KIF16B: variants seen among roughly 807,000 people sequenced by gnomAD.
The protein encoded by KIF16B is kinesin-like protein KIF16B.
Under a neutral mutation model 156.3 loss-of-function variants are expected in KIF16B, and 98 were observed. That is an observed-to-expected ratio of 0.63 (90% CI 0.53 to 0.74). KIF16B has a LOEUF of 0.74. Among genes scored for constraint, KIF16B ranks in the 30% least tolerant of loss-of-function variants. The pLI, the probability that KIF16B is intolerant of heterozygous loss-of-function variation, is 0.00. For missense variants in KIF16B, 1,421 were observed against 1,606.5 expected, an observed-to-expected ratio of 0.88 and a Z score of 1.97; for synonymous variants, 564 against 583.7, an observed-to-expected ratio of 0.97 and a Z score of 0.49.
intron 12 of KIF16B, among the ~76,000 whole-genome samples, chr20:16,457,305 A>G (rs1213651534): frequency 6.6e-6 from 1 of 152,178 alleles, no homozygotes; most frequent in East Asian, 1.9e-4. Flanking sequence ...CCAAATGACA[A>G]ATTATACATA....
chr20:16,434,586 C>T (rs889551016), intron 12 of KIF16B, among the ~76,000 whole-genome samples: 6 of 152,164 alleles, frequency 3.9e-5, no homozygotes, highest in African/African-American at 1.4e-4. Flanking sequence ...AGTGTGTCTG[C>T]CCCACGTAAA....
At chr20:16,492,632 T>C (rs1289821568) in intron 12 of KIF16B, among the ~76,000 whole-genome samples, 1 of 152,096 alleles carries the variant, frequency 6.6e-6, no homozygotes, top group African/African-American at 2.4e-5. Context: ...GTTCAGGCTG[T>C]CATAGTTCTC....
At chr20:16,340,937 C>A (rs114683728) in intron 23 of KIF16B, among the ~76,000 whole-genome samples, 1 of 152,114 alleles carries the variant, frequency 6.6e-6, no homozygotes, top group Non-Finnish European at 1.5e-5. Context: ...GATGACAAGA[C>A]AGCAAGAAGA....
intron 1 of KIF16B, among the ~76,000 whole-genome samples, chr20:16,543,743 G>A (rs2070293898): frequency 6.6e-6 from 1 of 152,212 alleles, no homozygotes; most frequent in Admixed American, 6.5e-5. Flanking sequence ...TGAGAGTCAA[G>A]CTGAGGCTCA....
chr20:16,497,410 C>T (rs1342042693), intron 11 of KIF16B, among the ~76,000 whole-genome samples: 1 of 152,178 alleles, frequency 6.6e-6, no homozygotes, highest in Non-Finnish European at 1.5e-5. Context: ...CCAGACAAAT[C>T]CCGTTTATTA....
intron 15 of KIF16B, among the ~76,000 whole-genome samples, chr20:16,410,818 T>C (rs990149750): frequency 6.6e-6 from 1 of 152,154 alleles, no homozygotes; most frequent in Non-Finnish European, 1.5e-5. Context: ...TGCAAGCTTT[T>C]GCTTATCACA....
chr20:16,482,646 A>G (rs1370216791), intron 12 of KIF16B, among the ~76,000 whole-genome samples: 2 of 152,204 alleles, frequency 1.3e-5, no homozygotes, highest in Admixed American at 1.3e-4. Flanking sequence ...TGGAATGTTC[A>G]CACCACAGTA....
chr20:16,553,419 T>C (rs1343186834), intron 1 of KIF16B, among the ~76,000 whole-genome samples: 1 of 152,190 alleles, frequency 6.6e-6, no homozygotes, highest in African/African-American at 2.4e-5. Context: ...GATCATGAGC[T>C]ACTTGAGGGT....
chr20:16,284,748 T>C (rs1408355014), intron 25 of KIF16B, among the ~76,000 whole-genome samples: 3 of 152,166 alleles, frequency 2.0e-5, no homozygotes, highest in Non-Finnish European at 4.4e-5. Context: ...TGCCAATCCC[T>C]GGTCTAAACT....
At chr20:16,336,973 T>C (rs1286674837) in intron 23 of KIF16B, among the ~76,000 whole-genome samples, 1 of 152,224 alleles carries the variant, frequency 6.6e-6, no homozygotes, top group Non-Finnish European at 1.5e-5. Flanking sequence ...CAATCTCTTT[T>C]CTGCATGACT....
chr20:16,435,620 TATTTC>T (rs1300643109), intron 12 of KIF16B, among the ~76,000 whole-genome samples: 1 of 152,234 alleles, frequency 6.6e-6, no homozygotes, highest in African/African-American at 2.4e-5. Flanking sequence ...TTCCATTTTC[TATTTC>T]ATTTGTTGAC....
intron 2 of KIF16B, among the ~76,000 whole-genome samples, chr20:16,526,961 A>C (rs1390240210): frequency 1.3e-5 from 2 of 152,268 alleles, no homozygotes. Context: ...ATCAGATGAT[A>C]AAATGTTTAA....
chr20:16,424,107 C>T (rs527262837), intron 15 of KIF16B, among the ~76,000 whole-genome samples: 3 of 152,266 alleles, frequency 2.0e-5, no homozygotes, highest in East Asian at 1.9e-4. Context: ...GCAGGAAATG[C>T]TGCATTTGTA....
intron 3 of KIF16B, among the ~76,000 whole-genome samples, chr20:16,519,952 A>G (rs897917288): frequency 3.3e-5 from 5 of 152,068 alleles, no homozygotes; most frequent in Non-Finnish European, 7.4e-5. Flanking sequence ...AAGGGAAGCC[A>G]TGAGGGACTG....
intron 1 of KIF16B, among the ~76,000 whole-genome samples, chr20:16,549,738 C>A (rs2070566688): frequency 5.0e-5 from 7 of 139,510 alleles, no homozygotes; most frequent in Admixed American, 4.4e-4. Context: ...GAAAAACAAG[C>A]AATGGGGAAA....
chr20:16,441,453 C>T (rs999988573), intron 12 of KIF16B, among the ~76,000 whole-genome samples: 1 of 152,152 alleles, frequency 6.6e-6, no homozygotes, highest in Non-Finnish European at 1.5e-5. Context: ...CAGGCCTAAT[C>T]GCATGGATCT....
chr20:16,394,773 TGAGAA>T (rs1490920387), intron 17 of KIF16B, among the ~76,000 whole-genome samples: 1 of 150,356 alleles, frequency 6.7e-6, no homozygotes, highest in African/African-American at 2.4e-5. Flanking sequence ...AGCGAGTGAG[TGAGAA>T]GAGAAAAGTG....
Position 16,346,437 on chromosome 20 carries a change from G to GATGTA in KIF16B, c.3621+9892_3621+9893insTACAT, listed in dbSNP as rs1273081343. Among the ~76,000 whole-genome samples the GATGTA allele has an allele frequency of 1.2e-4, 18 of 152,288 alleles. No individual in the cohort carries two copies. The East Asian group carries it at 3.3e-3, about 28-fold the overall frequency. ...TGCATCACCGACAAGTACAGAAGGTGCCTCAGAGCCTCAGGCTTGTGAACC... is the reference window on the plus strand; with the variant it reads ...TGCATCACCGACAAGTACAGAAGGTGATGTACCTCAGAGCCTCAGGCTTGTGAACC... On this transcript the variant is annotated intron_variant, in intron 23 of 25. Transcript: ENST00000354981.
At chr20:16,457,774 A>G (rs1408889580) in intron 12 of KIF16B, among the ~76,000 whole-genome samples, 2 of 152,130 alleles carry the variant, frequency 1.3e-5, no homozygotes, top group Non-Finnish European at 2.9e-5. Flanking sequence ...CCCCCTTGAC[A>G]TCCACAAGGA....
Sources: allele counts gnomAD v4.1 joint callset (sites outside exome capture counted in the v4.1 genomes callset), GRCh38; gene constraint gnomAD v4.1.1; transcripts MANE v1.5; gene names NCBI Gene and HGNC (gene_info 2026-07-23, HGNC 2026-07-21).